GPHN: variants seen among roughly 807,000 people sequenced by gnomAD.
The protein encoded by GPHN is gephyrin.
GPHN carries 17 observed loss-of-function variants against 95.5 expected under a neutral mutation model. That is an observed-to-expected ratio of 0.18 (90% CI 0.12 to 0.27). The LOEUF (loss-of-function observed/expected upper bound fraction) is 0.27. Ranked by LOEUF, GPHN falls within the 10% of genes least tolerant of loss-of-function variation. The pLI, the probability that GPHN is intolerant of heterozygous loss-of-function variation, is 1.00. For synonymous variants in GPHN, 320 were observed against 322.5 expected (o/e 0.99, Z 0.08); for missense variants, 660 against 978.1 (o/e 0.67, Z 4.34).
At chr14:67,452,233 G>T in the GPHN span, among the ~76,000 whole-genome samples, 1 of 150,012 alleles carries the variant, frequency 6.7e-6, no homozygotes, top group Non-Finnish European at 1.5e-5. Flanking sequence ...TGAGGCAAGA[G>T]AATCATTTGA....
chr14:66,553,346 A>G (rs1218156882), intron 1 of GPHN, among the ~76,000 whole-genome samples: 1 of 152,064 alleles, frequency 6.6e-6, no homozygotes, highest in South Asian at 2.1e-4. Flanking sequence ...TCTAGTCACT[A>G]TTTTTAAAAT....
chr14:66,952,363 A>G (rs1596485552), intron 8 of GPHN, among the ~76,000 whole-genome samples: 2 of 152,240 alleles, frequency 1.3e-5, no homozygotes, highest in South Asian at 4.1e-4. Context: ...AGCATGTATC[A>G]GTACTCCTTT....
the GPHN span, chr14:67,387,484 C>G: frequency 2.5e-6 from 4 of 1,594,962 alleles, no homozygotes; most frequent in Admixed American, 1.8e-5. Flanking sequence ...GGAAAAAAAT[C>G]AGTGATTGAA....
At chr14:67,727,468 G>A in the GPHN span, 64 of 394,542 alleles carry the variant, frequency 1.6e-4, no homozygotes, top group South Asian at 2.4e-4. Flanking sequence ...AACAGACAGA[G>A]GCTTTTTGTT....
the GPHN span, among the ~76,000 whole-genome samples, chr14:67,731,055 G>A: frequency 6.6e-6 from 1 of 151,950 alleles, no homozygotes; most frequent in African/African-American, 2.4e-5. Context: ...GTTAAATAAA[G>A]TACATATTTA....
At chr14:66,641,909 G>A (rs2064433284) in intron 1 of GPHN, among the ~76,000 whole-genome samples, 1 of 152,042 alleles carries the variant, frequency 6.6e-6, no homozygotes, top group African/African-American at 2.4e-5. Context: ...AATTTGTTTA[G>A]AAATTCAAAG....
chr14:66,754,455 T>A (rs2058488639), intron 2 of GPHN, among the ~76,000 whole-genome samples: 1 of 151,964 alleles, frequency 6.6e-6, no homozygotes, highest in Non-Finnish European at 1.5e-5. Flanking sequence ...CTGAAAATAA[T>A]AAAACTGTGA....
At chr14:67,193,903 C>G in the GPHN span, among the ~76,000 whole-genome samples, 15 of 145,358 alleles carry the variant, frequency 1.0e-4, no homozygotes, top group Non-Finnish European at 6.0e-5. Context: ...AATGATCACA[C>G]CACTGCACTC....
chr14:67,151,911 T>C (rs1489514784), intron 18 of GPHN, among the ~76,000 whole-genome samples: 1 of 152,162 alleles, frequency 6.6e-6, no homozygotes, highest in Non-Finnish European at 1.5e-5. Context: ...CCCAGAGTGC[T>C]GGGATTTCAG....
intron 10 of GPHN, among the ~76,000 whole-genome samples, chr14:67,026,120 T>C (rs561008107): frequency 7.6e-4 from 116 of 152,336 alleles, no homozygotes; most frequent in Non-Finnish European, 1.4e-3. Context: ...TTATTTGCTG[T>C]GTGAACTTGA....
chr14:67,675,169 G>A, the GPHN span, among the ~76,000 whole-genome samples: 4 of 152,310 alleles, frequency 2.6e-5, no homozygotes, highest in African/African-American at 9.6e-5. Context: ...GCCGTCGGGA[G>A]GTGGAGCACT....
intron 1 of GPHN, among the ~76,000 whole-genome samples, chr14:66,516,946 A>G (rs368963116): frequency 1.2e-3 from 182 of 152,070 alleles, no homozygotes; most frequent in African/African-American, 4.0e-3. Context: ...CCTGGCCAAC[A>G]TGGTGAAACC....
At chr14:67,020,825 A>T (rs899000145) in intron 9 of GPHN, among the ~76,000 whole-genome samples, 2 of 152,168 alleles carry the variant, frequency 1.3e-5, no homozygotes, top group Non-Finnish European at 2.9e-5. Flanking sequence ...ATCAGATGCC[A>T]TACCTTTTAT....
chr14:67,111,089 T>A (rs2078341801), intron 14 of GPHN, among the ~76,000 whole-genome samples: 2 of 152,154 alleles, frequency 1.3e-5, no homozygotes, highest in African/African-American at 2.4e-5. Context: ...CCAAGCCGAG[T>A]AGATAGTAAA....
At chr14:67,659,954 C>T in the GPHN span, 5 of 1,596,206 alleles carry the variant, frequency 3.1e-6, no homozygotes, top group South Asian at 4.5e-5. Flanking sequence ...AGCAGATAGC[C>T]TGGTTCTTCC....
the GPHN span, chr14:67,295,104 A>AT: frequency 7.2e-6 from 1 of 138,012 alleles, no homozygotes; most frequent in Non-Finnish European, 1.5e-5. Context: ...GAGATATTGA[A>AT]GTGTGTGTGT....
At chr14:66,639,728 A>G (rs751460140) in intron 1 of GPHN, among the ~76,000 whole-genome samples, 1 of 152,036 alleles carries the variant, frequency 6.6e-6, no homozygotes, top group African/African-American at 2.4e-5. Context: ...GTGTACCCCC[A>G]CATACACATA....
the GPHN span, among the ~76,000 whole-genome samples, chr14:67,366,931 T>C: frequency 6.6e-6 from 1 of 152,028 alleles, no homozygotes; most frequent in African/African-American, 2.4e-5. Flanking sequence ...AGCAGAAAAT[T>C]TATGGTCTTA....
At chr14:67,398,069 A>G in the GPHN span, 205 of 360,000 alleles carry the variant, frequency 5.7e-4, 1 homozygote, top group African/African-American at 4.0e-3. Flanking sequence ...CAAAGTAAAA[A>G]GAAGAGAAAA....
Sources: gnomAD v4.1 joint callset for allele counts (sites outside exome capture counted in the v4.1 genomes callset) on GRCh38, gnomAD v4.1.1 for gene constraint, MANE v1.5 for transcripts, NCBI Gene and HGNC (gene_info 2026-07-23, HGNC 2026-07-21) for gene names.